Variants in ANK3 observed in about 807,000 individuals in gnomAD.
ANK3 encodes ankyrin-3.
A neutral mutation model predicts 370.9 loss-of-function variants in ANK3; 57 were observed. That is an observed-to-expected ratio of 0.15 (90% CI 0.12 to 0.19). The LOEUF is 0.19. ANK3 is among the 10% of genes least tolerant of loss of function. The pLI is 1.00. For missense variants in ANK3, 4,439 were observed against 5,302.1 expected (o/e 0.84, Z 5.06); for synonymous variants, 1,929 against 1,946.3 (o/e 0.99, Z 0.23).
chr10:60,459,842 A>G (rs2064839655), intron 2 of ANK3, among the ~76,000 whole-genome samples: 1 of 152,118 alleles, frequency 6.6e-6, no homozygotes, highest in African/African-American at 2.4e-5. Context: ...TCCTTTGCCA[A>G]TATTTTCAGT....
chr10:60,527,964 T>C (rs551343884), intron 2 of ANK3, among the ~76,000 whole-genome samples: 1 of 152,210 alleles, frequency 6.6e-6, no homozygotes, highest in East Asian at 1.9e-4. Context: ...TGTAGCCTAG[T>C]AAACTGATGG....
chr10:60,173,874 T>C (rs184142436), intron 18 of ANK3, among the ~76,000 whole-genome samples: 5 of 152,320 alleles, frequency 3.3e-5, no homozygotes, highest in Admixed American at 2.0e-4. Context: ...TGTGTGTATA[T>C]GTGTGTGTAT....
intron 1 of ANK3, among the ~76,000 whole-genome samples, chr10:60,323,270 G>A (rs1295647740): frequency 6.6e-6 from 1 of 152,174 alleles, no homozygotes; most frequent in African/African-American, 2.4e-5. Context: ...AGAAGTGAAC[G>A]AGCTGGAGCA....
At chr10:60,124,539 C>A (rs928557591) in intron 25 of ANK3, among the ~76,000 whole-genome samples, 1 of 152,288 alleles carries the variant, frequency 6.6e-6, no homozygotes, top group African/African-American at 2.4e-5. Context: ...TTGCATCCCT[C>A]TATGTAGATA....
chr10:60,635,154 C>T (rs141311750), intron 1 of ANK3, among the ~76,000 whole-genome samples: 1 of 152,064 alleles, frequency 6.6e-6, no homozygotes, highest in Non-Finnish European at 1.5e-5. Context: ...AGGTTTATTT[C>T]AGTTTTCTTA....
intron 2 of ANK3, among the ~76,000 whole-genome samples, chr10:60,440,110 T>C (rs558246526): frequency 4.5e-4 from 69 of 152,162 alleles, no homozygotes; most frequent in African/African-American, 1.6e-3. Context: ...CAACAATTCA[T>C]GCAAAAAATC....
chr10:60,381,345 T>C (rs1416534443), intron 1 of ANK3, among the ~76,000 whole-genome samples: 1 of 152,176 alleles, frequency 6.6e-6, no homozygotes, highest in Non-Finnish European at 1.5e-5. Context: ...CAGCAATCAT[T>C]TAGCTACTGA....
At chr10:60,437,984 A>G (rs978658858) in intron 2 of ANK3, among the ~76,000 whole-genome samples, 2 of 152,322 alleles carry the variant, frequency 1.3e-5, no homozygotes, top group Admixed American at 6.5e-5. Context: ...CAATTATTAT[A>G]TAACAGCAAA....
At chr10:60,240,271 T>TACAC (rs1399752137) in intron 7 of ANK3, among the ~76,000 whole-genome samples, 1 of 124,442 alleles carries the variant, frequency 8.0e-6, no homozygotes, top group Non-Finnish European at 1.7e-5. Flanking sequence ...CACATATATA[T>TACAC]ACACACACAC....
chr10:60,324,762 C>T (rs1469081629), intron 1 of ANK3, among the ~76,000 whole-genome samples: 1 of 152,180 alleles, frequency 6.6e-6, no homozygotes, highest in Non-Finnish European at 1.5e-5. Context: ...CTCAGCGATT[C>T]ACCAACCAAG....
At chr10:60,194,738 C>T (rs2096556654) in intron 16 of ANK3, among the ~76,000 whole-genome samples, 1 of 152,092 alleles carries the variant, frequency 6.6e-6, no homozygotes, top group African/African-American at 2.4e-5. Context: ...TATCAAGTCA[C>T]ATTGTGGTTT....
rs972111872 is a variant in ANK3, at chr10:60,070,018, C to T, written c.10863G>A (p.Lys3621=). ...MTRSGAIDMS[K]RDFVEERLQF... ...GGAGCCTCTCTTCAACAAAATCCCT[C>T]TTGCTCATGTCAATTGCACCACTGC... The change falls in exon 37 of 44, where the codon AAG becomes AAA. Residue 3621 remains lysine, a synonymous_variant. Transcript: ENST00000280772. The surrounding 1 kb of genome is among the most constrained non-coding windows in gnomAD (Gnocchi z 5.7). The T allele has an allele frequency of 1.2e-6, 2 of 1,614,132 alleles. No individual in the cohort carries two copies. Among genetic ancestry groups the T allele is most frequent in the Non-Finnish European group, 1.7e-6 (2 of 1,180,006 alleles).
chr10:60,684,574 G>T lies in ANK3; in HGVS notation c.57+48689C>A, dbSNP rs957006642. On this transcript the variant is annotated intron_variant, in intron 1 of 43. Transcript: ENST00000373827. The stretch of plus-strand genomic sequence containing the variant: ...GCCTTCATTTCAATCCTTCCACATT[G>T]TTATGCTGGGTTTGGACTGTGCTGG... The T allele has an allele frequency of 2.5e-6, 4 of 1,587,422 alleles. No individual in the cohort carries two copies. In the African/African-American group the frequency reaches 5.4e-5, roughly 21 times the overall value.
At chr10:60,598,573 A>G (rs1435742011) in intron 2 of ANK3, among the ~76,000 whole-genome samples, 1 of 152,234 alleles carries the variant, frequency 6.6e-6, no homozygotes, top group Non-Finnish European at 1.5e-5. Context: ...TGTATTTGAT[A>G]TAAGTCAAAA....
intron 1 of ANK3, among the ~76,000 whole-genome samples, chr10:60,727,822 C>G (rs950935011): frequency 6.6e-6 from 1 of 152,066 alleles, no homozygotes; most frequent in African/African-American, 2.4e-5. Flanking sequence ...AGAGCCCTTT[C>G]CCTACTTAAA....
chr10:60,352,694 C>T (rs41494951), intron 1 of ANK3, among the ~76,000 whole-genome samples: 27,883 of 152,152 alleles, frequency 0.18, 3,086 homozygotes, highest in South Asian at 0.3. Flanking sequence ...CCTCTCCTTA[C>T]TTTCATTCCC....
At position 60,082,598 on chromosome 10, in the gene ANK3, G is replaced by A. The variant is rs1284769077; in HGVS notation, c.4323+17C>T. The A allele has an allele frequency of 6.2e-7, 1 of 1,609,220 alleles. No homozygotes were observed. Among genetic ancestry groups the A allele is most frequent in the Non-Finnish European group, 8.5e-7 (1 of 1,178,764 alleles). On this transcript the variant is annotated intron_variant, in intron 34 of 43. Transcript: ENST00000280772. Reference sequence around the variant, plus strand: ...CAAGACCAGGGAAAGACAATTTAAAGCAGTATTAAAAGATACCTTTTTATG... The same window carrying A: ...CAAGACCAGGGAAAGACAATTTAAAACAGTATTAAAAGATACCTTTTTATG...
At chr10:60,369,834 T>A (rs79131601) in intron 1 of ANK3, among the ~76,000 whole-genome samples, 15,856 of 152,170 alleles carry the variant, frequency 0.1, 893 homozygotes, top group South Asian at 0.13. Flanking sequence ...ATTAACTGCC[T>A]ATACTGATAT....
At chr10:60,559,206 C>T (rs1025099447) in intron 2 of ANK3, among the ~76,000 whole-genome samples, 1 of 151,980 alleles carries the variant, frequency 6.6e-6, no homozygotes, top group Non-Finnish European at 1.5e-5. Flanking sequence ...TGTGGATGTA[C>T]CCATCACCCA....
Sources: allele counts gnomAD v4.1 joint callset (sites outside exome capture counted in the v4.1 genomes callset), GRCh38; gene constraint gnomAD v4.1.1; non-coding constraint Gnocchi (gnomAD v3.1); transcripts MANE v1.5; gene names NCBI Gene and HGNC (gene_info 2026-07-23, HGNC 2026-07-21).